Variants in NOTUM observed in about 807,000 individuals in gnomAD.
NOTUM encodes the protein notum, palmitoleoyl-protein carboxylesterase, also known as palmitoleoyl-protein carboxylesterase NOTUM.
A neutral mutation model predicts 65.5 loss-of-function variants in NOTUM; 36 were observed. That is an observed-to-expected ratio of 0.55 (90% confidence interval 0.42 to 0.73). NOTUM has a LOEUF of 0.73. Ranked by LOEUF, NOTUM falls within the 30% of genes least tolerant of loss-of-function variation. The pLI is 0.00. For missense variants in NOTUM, 659 were observed against 694.2 expected, an observed-to-expected ratio of 0.95 and a Z score of 0.57; for synonymous variants, 356 against 297.9, an observed-to-expected ratio of 1.20 and a Z score of -2.01.
In NOTUM at chr17:81,960,959, C is replaced by CGGCGGGGGATGCCG. The variant is rs1339707545; in HGVS notation, c.-64_-51dup. 4.6e-6 allele frequency: 5 copies of CGGCGGGGGATGCCG among 1,094,732 alleles called. No individual in the cohort carries two copies. The African/African-American group carries it at 8.3e-5, about 18-fold the overall frequency. 67.8% of individuals were successfully genotyped at this position (1,094,732 alleles called of 1,614,324 possible). On this transcript the variant is annotated 5_prime_UTR_variant, in exon 1 of 11. Transcript: ENST00000409678. The surrounding 1 kb of genome is among the most constrained non-coding windows in gnomAD (Gnocchi z 6.4). ...GGCGGCCTTGAGGCGGCGGCGGCGG[C>CGGCGGGGGATGCCG]GGCGGGGGATGCCGGGCCGGGGGTG...
At chr17:81,953,421 G>A (rs577533547) in intron 10 of NOTUM, among the ~76,000 whole-genome samples, 154 bp from the exon 11 acceptor site, 13 of 151,774 alleles carry the variant, frequency 8.6e-5, no homozygotes, top group African/African-American at 3.1e-4. Flanking sequence ...TCAGCCTCCC[G>A]AGTAGCTGGG....
intron 9 of NOTUM, 121 bp downstream of exon 9, chr17:81,955,276 C>G (rs1373922543): frequency 2.2e-6 from 2 of 900,160 alleles, no homozygotes; most frequent in East Asian, 2.7e-5. Flanking sequence ...TCACTGCGCC[C>G]GGCCTACAAG....
In NOTUM at chr17:81,959,546, G is replaced by T; in HGVS notation, c.397C>A (p.Arg133Ser). ...FLEGGWYCFN[R>S]ENCDSRYDTM... Reference sequence around the variant, plus strand: ...TCGTATCTGGAGTCGCAGTTCTCGCGGTTGAAGCAGTACCAGCCGCCTGCG... The same window carrying T: ...TCGTATCTGGAGTCGCAGTTCTCGCTGTTGAAGCAGTACCAGCCGCCTGCG... Residue 133 changes from arginine to serine, a missense_variant, in exon 3 of 11, where the codon CGC becomes AGC. Transcript: ENST00000409678. 1 of 1,549,140 alleles carries T rather than the reference G, an allele frequency of 6.5e-7. No individual in the cohort carries two copies. The highest frequency in any genetic ancestry group is 1.2e-5 in the South Asian group (1 of 84,018).
intron 10 of NOTUM, 75 bp from the exon 11 acceptor site, chr17:81,953,342 G>C: frequency 1.1e-6 from 1 of 923,172 alleles, no homozygotes; most frequent in South Asian, 1.6e-5. Context: ...TTTTTTTTTT[G>C]AGACCAGCCA....
rs1211385846 is a variant in NOTUM at position 81,960,968 on chromosome 17, ATGCCGGGCCGGGGG to A, written c.-73_-60del. On this transcript the variant is annotated 5_prime_UTR_variant, in exon 1 of 11. Coordinates refer to ENST00000409678, the MANE Select transcript of NOTUM (RefSeq NM_178493.6). This position sits in a 1 kb window ranked among gnomAD's most constrained non-coding sequence, Gnocchi z 6.4. ...GAGGCGGCGGCGGCGGCGGCGGGGGATGCCGGGCCGGGGGTGCCGGGCCGGGGGTGTCGGGGGCA... is the reference window on the plus strand; with the variant it reads ...GAGGCGGCGGCGGCGGCGGCGGGGGATGCCGGGCCGGGGGTGTCGGGGGCA... 2.4e-3 allele frequency: 2,440 copies of A among 1,006,712 alleles called. 45 individuals are homozygous for A. The African/African-American group carries it at 0.037, about 15-fold the overall frequency. 62.4% of individuals were successfully genotyped at this position (1,006,712 alleles called of 1,614,324 possible). A position where few individuals can be genotyped will look rare whatever the true frequency, so the allele number is the denominator to read the frequency against.
At chr17:81,959,614 TC>T in intron 2 of NOTUM, 25 bp downstream of exon 2, 1 of 1,540,272 alleles carries the variant, frequency 6.5e-7, no homozygotes, top group Non-Finnish European at 8.8e-7. Context: ...ACCCCCGGCC[TC>T]CCCCCGCCTC....
rs1011687475 is a variant in NOTUM at position 81,960,382 on chromosome 17, G to C, written c.323+205C>G. ...CAGAGGCCGAGGGGTCAGTGCCCGA[G>C]CTGGCCGGGGACCAGCCCTTCCAGC... On this transcript the variant is annotated intron_variant, in intron 1 of 10. Coordinates refer to ENST00000409678, the MANE Select transcript of NOTUM (RefSeq NM_178493.6). This position sits in a 1 kb window ranked among gnomAD's most constrained non-coding sequence, Gnocchi z 6.4. Among the ~76,000 whole-genome samples, 2 of 152,206 alleles carry C rather than the reference G, an allele frequency of 1.3e-5. No individual in the cohort carries two copies. Among genetic ancestry groups the C allele is most frequent in the African/African-American group, 2.4e-5 (1 of 41,454 alleles).
chr17:81,955,024 A>C (rs1000356190), intron 9 of NOTUM, among the ~76,000 whole-genome samples: 4 of 151,240 alleles, frequency 2.6e-5, no homozygotes, highest in Admixed American at 6.6e-5. Context: ...TCCGTCACCC[A>C]GGCTGGAGTG....
chr17:81,953,536 TGCCCCCATTG>T (rs1433517906), intron 10 of NOTUM, among the ~76,000 whole-genome samples: 6 of 152,098 alleles, frequency 3.9e-5, no homozygotes. Flanking sequence ...TCAGGTGATC[TGCCCCCATTG>T]GCCTCCCAAA....
At position 81,953,219 on chromosome 17, in the gene NOTUM, C is replaced by T; in HGVS notation, c.1233G>A (p.Leu411=). 3 of 1,612,452 alleles carry T rather than the reference C, an allele frequency of 1.9e-6. No homozygotes were observed. Among genetic ancestry groups the T allele is most frequent in the Non-Finnish European group, 2.5e-6 (3 of 1,179,740 alleles). ...CATGGAGGCTCCTGTCCCAGCAGTG[C>T]AGTGCTCGGGGCAGCGACGTCCCCT... ...QVKGTSLPRA[L]HCWDRSLHDS... is the part of the protein sequence containing the mutation. The change falls in exon 11 of 11, where the codon CTG becomes CTA. Residue 411 remains leucine (L), a synonymous_variant. Coordinates refer to ENST00000409678, the MANE Select transcript of NOTUM (RefSeq NM_178493.6).
intron 4 of NOTUM, 60 bp downstream of exon 4, chr17:81,958,875 C>A (rs1288650232): frequency 3.1e-6 from 4 of 1,278,074 alleles, no homozygotes; most frequent in Non-Finnish European, 4.6e-6. Context: ...CAAGGAAGGA[C>A]CCCCCGGGAA....
chr17:81,953,336 T>A (rs1414909107), intron 10 of NOTUM, 69 bp from the exon 11 acceptor site: 1 of 1,023,092 alleles, frequency 9.8e-7, no homozygotes, highest in African/African-American at 1.6e-5. Context: ...AGCTGTTTTT[T>A]TTTTTGAGAC....
rs1476487425 is a variant in NOTUM, at chr17:81,952,601, AAAGT to A, written c.*356_*359del. ...CTTATTTTCCTTTTTTTAAAAAATT[AAAGT>A]AATAAAAAAGTCACTTTATAAAATA... On this transcript the variant is annotated 3_prime_UTR_variant, in exon 11 of 11. Coordinates refer to ENST00000409678, the MANE Select transcript of NOTUM (RefSeq NM_178493.6). 1 of 228,034 alleles carries A rather than the reference AAAGT, an allele frequency of 4.4e-6. No individual in the cohort carries two copies. The highest frequency in any genetic ancestry group is 9.6e-5 in the East Asian group (1 of 10,382). 14.1% of individuals were successfully genotyped at this position (228,034 alleles called of 1,614,324 possible).
Position 81,959,381 on chromosome 17 carries a change from G to C in NOTUM, c.472+90C>G, listed in dbSNP as rs563629113. On this transcript the variant is annotated intron_variant, in intron 3 of 10. Coordinates refer to ENST00000409678, the MANE Select transcript of NOTUM (RefSeq NM_178493.6). Reference sequence around the variant, plus strand: ...GGCGCCAGGCTGGGCATGATGTGCGGGGTGGGGGCCTGGCTGGGGCTCCAG... The same window carrying C: ...GGCGCCAGGCTGGGCATGATGTGCGCGGTGGGGGCCTGGCTGGGGCTCCAG... The C allele has an allele frequency of 1.5e-5, 15 of 995,380 alleles. No homozygotes were observed. In the Admixed American group the frequency reaches 2.4e-4, roughly 16 times the overall value. 61.7% of individuals were successfully genotyped at this position (995,380 alleles called of 1,614,324 possible).
chr17:81,956,404 A>G (rs949978432), intron 8 of NOTUM, among the ~76,000 whole-genome samples: 1 of 152,058 alleles, frequency 6.6e-6, no homozygotes, highest in African/African-American at 2.4e-5. Flanking sequence ...GAGGGCAGGC[A>G]AGTCCCAGGC....
In NOTUM at chr17:81,955,926, G is replaced by A. The variant is rs1251703833; in HGVS notation, c.989-382C>T. Among the ~76,000 whole-genome samples, 31 of 100,756 alleles carry A rather than the reference G, an allele frequency of 3.1e-4. 1 individual carries two copies. The highest frequency in any genetic ancestry group is 1.9e-3 in the Admixed American group (19 of 10,130). The allele number at this position is 100,756 out of a possible 152,430, so 66.1% of individuals were successfully genotyped here. A position where few individuals can be genotyped will look rare whatever the true frequency, so the allele number is the denominator to read the frequency against. The stretch of plus-strand genomic sequence containing the variant: ...CCCCCAGGTCCCCGCTGCTGCCCCC[G>A]ACCCCAGGCAGAGCTCAGCACCCTC... On this transcript the variant is annotated intron_variant, in intron 8 of 10. Transcript: ENST00000409678.
intron 1 of NOTUM, 22 bp from the exon 2 acceptor site, chr17:81,959,714 G>T (rs1020341135): frequency 5.6e-6 from 8 of 1,423,690 alleles, no homozygotes; most frequent in African/African-American, 3.0e-5. Context: ...GACGCACCGC[G>T]GGGGGTCGGC....
chr17:81,957,215 G>A, intron 6 of NOTUM, 141 bp from the exon 7 acceptor site: 1 of 703,312 alleles, frequency 1.4e-6, no homozygotes, highest in Non-Finnish European at 2.3e-6. Flanking sequence ...TGCATTCTCT[G>A]TTCACGTGCA....
Position 81,954,248 on chromosome 17 carries a change from A to T in NOTUM, c.1184+8T>A. ...TGGACGCAAGCTGCCCGGAGCAGGG[A>T]CACTGACCTCCGGATGATGATCTCA... On this transcript the variant is annotated splice_region_variant and intron_variant, in intron 10 of 10. Transcript: ENST00000409678. 1 of 1,606,060 alleles carries T rather than the reference A, an allele frequency of 6.2e-7. No homozygotes were observed. Among genetic ancestry groups the T allele is most frequent in the Non-Finnish European group, 8.5e-7 (1 of 1,172,676 alleles).
Sources: allele counts gnomAD v4.1 joint callset (sites outside exome capture counted in the v4.1 genomes callset), GRCh38; gene constraint gnomAD v4.1.1; non-coding constraint Gnocchi (gnomAD v3.1); transcripts MANE v1.5; gene names NCBI Gene and HGNC (gene_info 2026-07-23, HGNC 2026-07-21).